Variants in WDR59 observed in about 807,000 individuals in gnomAD.
The protein encoded by WDR59 is GATOR2 complex protein WDR59.
WDR59 carries 100 observed loss-of-function variants against 131.2 expected under a neutral mutation model. The observed-to-expected ratio is 0.76, with a 90% CI of 0.65 to 0.90. The LOEUF (loss-of-function observed/expected upper bound fraction) is 0.90. Ranked by LOEUF, WDR59 falls within the 40% of genes least tolerant of loss-of-function variation. WDR59 has a pLI of 0.00. For missense variants in WDR59, 1,203 were observed against 1,262.2 expected (o/e 0.95, Z 0.71); for synonymous variants, 601 against 466.2 (o/e 1.29, Z -3.72).
At chr16:74,973,026 G>C (rs1016795660) in intron 1 of WDR59, among the ~76,000 whole-genome samples, 1 of 151,756 alleles carries the variant, frequency 6.6e-6, no homozygotes, top group Admixed American at 6.6e-5. Flanking sequence ...TGAGGTCTGA[G>C]GTCGGGAGTT....
Position 74,960,900 on chromosome 16 carries a change from T to C in WDR59, c.105-4290A>G, listed in dbSNP as rs541777952. 2.6e-5 allele frequency among the ~76,000 whole-genome samples: 4 copies of C among 152,178 alleles called. No homozygotes were observed. In the East Asian group the frequency reaches 7.7e-4, roughly 29 times the overall value. Reference sequence around the variant, plus strand: ...ACCTTCCAAGGTTCTAAAAAAAATTTCTGTATCTTAATCAGAATGGTGATT... The same window carrying C: ...ACCTTCCAAGGTTCTAAAAAAAATTCCTGTATCTTAATCAGAATGGTGATT... On this transcript the variant is annotated intron_variant, in intron 2 of 25. Transcript: ENST00000262144.
chr16:74,920,523 C>G (rs1299104176), intron 10 of WDR59, among the ~76,000 whole-genome samples: 1 of 152,182 alleles, frequency 6.6e-6, no homozygotes, highest in Admixed American at 6.5e-5. Flanking sequence ...GCCTCAGCCT[C>G]CGAAGTAGCT....
At chr16:74,908,229 C>A (rs1453230890) in intron 17 of WDR59, among the ~76,000 whole-genome samples, 2 of 152,024 alleles carry the variant, frequency 1.3e-5, no homozygotes, top group Non-Finnish European at 2.9e-5. Context: ...ACCAGCCTGG[C>A]AACACTGCAA....
intron 25 of WDR59, among the ~76,000 whole-genome samples, chr16:74,880,488 A>C (rs1222227660): frequency 6.6e-6 from 1 of 152,182 alleles, no homozygotes; most frequent in African/African-American, 2.4e-5. Flanking sequence ...TAAGTTAGGT[A>C]TGATAAGCCA....
At chr16:74,953,007 T>C (rs1262794762) in intron 3 of WDR59, among the ~76,000 whole-genome samples, 1 of 152,124 alleles carries the variant, frequency 6.6e-6, no homozygotes, top group Non-Finnish European at 1.5e-5. Context: ...CCAGTCCACC[T>C]TAACGAATCT....
At chr16:74,935,535 A>C (rs2031730709) in intron 8 of WDR59, among the ~76,000 whole-genome samples, 1 of 151,946 alleles carries the variant, frequency 6.6e-6, no homozygotes, top group Non-Finnish European at 1.5e-5. Context: ...GACCCCTTAG[A>C]ATTTAGAAAA....
chr16:74,969,384 G>A (rs1185073553), intron 1 of WDR59, among the ~76,000 whole-genome samples: 1 of 151,412 alleles, frequency 6.6e-6, no homozygotes, highest in African/African-American at 2.4e-5. Flanking sequence ...GTGATTCTCA[G>A]GCCTCAGCCT....
At chr16:74,943,465 G>A (rs1316252493) in intron 6 of WDR59, among the ~76,000 whole-genome samples, 1 of 152,066 alleles carries the variant, frequency 6.6e-6, no homozygotes. Flanking sequence ...TTCCCTCTCT[G>A]CCAATACAGA....
intron 6 of WDR59, 126 bp from the exon 7 acceptor site, chr16:74,942,952 G>A: frequency 1.3e-6 from 1 of 753,666 alleles, no homozygotes; most frequent in South Asian, 1.6e-5. Context: ...AAGTTTCTGT[G>A]ACTGCACCAA....
intron 1 of WDR59, among the ~76,000 whole-genome samples, chr16:74,976,508 T>A (rs1434774905): frequency 1.3e-5 from 2 of 149,926 alleles, no homozygotes; most frequent in African/African-American, 4.9e-5. Context: ...AAGGGCGCAA[T>A]CTTGGCTCCC....
At chr16:74,938,553 T>G (rs1360792921) in intron 7 of WDR59, among the ~76,000 whole-genome samples, 1 of 152,182 alleles carries the variant, frequency 6.6e-6, no homozygotes, top group Non-Finnish European at 1.5e-5. Context: ...TTTTTGTTTT[T>G]TGAGACGAAG....
Position 74,949,818 on chromosome 16 carries a change from C to T in WDR59, c.327-20G>A, listed in dbSNP as rs779576680. On this transcript the variant is annotated intron_variant, in intron 4 of 25. Coordinates refer to ENST00000262144, the MANE Select transcript of WDR59 (RefSeq NM_030581.4). Reference sequence around the variant, plus strand: ...AAGTCGCTGGGACACAAAGAATAAACAGAACAAAGAAAAGGAAAAAAATTC... The same window carrying T: ...AAGTCGCTGGGACACAAAGAATAAATAGAACAAAGAAAAGGAAAAAAATTC... 10 of 1,612,770 alleles carry T rather than the reference C, an allele frequency of 6.2e-6. No homozygotes were observed. The Middle Eastern group carries it at 6.6e-4, about 107-fold the overall frequency.
At chr16:74,920,123 G>C (rs2030043315) in intron 10 of WDR59, among the ~76,000 whole-genome samples, 1 of 151,404 alleles carries the variant, frequency 6.6e-6, no homozygotes, top group South Asian at 2.1e-4. Context: ...AAGTAAACTG[G>C]AACAACCTTC....
intron 2 of WDR59, chr16:74,963,097 A>T (rs1433329964): frequency 6.6e-6 from 1 of 152,148 alleles, no homozygotes; most frequent in African/African-American, 2.4e-5. Flanking sequence ...TTCTACTAAA[A>T]TACAAAAAAT....
Position 74,912,335 on chromosome 16 carries a change from C to G in WDR59, c.1252G>C (p.Val418Leu). The G allele has an allele frequency of 6.2e-7, 1 of 1,613,840 alleles. No homozygotes were observed. Among genetic ancestry groups the G allele is most frequent in the Non-Finnish European group, 8.5e-7 (1 of 1,179,914 alleles). ...EMDAADRSCT[V>L]SVHCSNHRVK... ...CGATGGTTGCTGCAGTGCACAGACACTGTGCAGCTCCTGTCTGCCGCATCC... is the reference window on the plus strand; with the variant it reads ...CGATGGTTGCTGCAGTGCACAGACAGTGTGCAGCTCCTGTCTGCCGCATCC... Residue 418 changes from valine (V) to leucine (L), a missense_variant, in exon 14 of 26, where the codon GTG (valine) becomes CTG (leucine). Val to Leu is a conservative substitution (Grantham distance 32). Coordinates refer to ENST00000262144, the MANE Select transcript of WDR59 (RefSeq NM_030581.4).
At chr16:74,909,966 T>C (rs752624898) in intron 14 of WDR59, 49 bp from the exon 15 acceptor site, 16 of 1,237,424 alleles carry the variant, frequency 1.3e-5, no homozygotes, top group Non-Finnish European at 1.7e-5. Flanking sequence ...ATTTCTCTGA[T>C]AGGTTTTTTT....
chr16:74,914,183 G>A (rs1966247871), intron 13 of WDR59, among the ~76,000 whole-genome samples: 1 of 152,072 alleles, frequency 6.6e-6, no homozygotes, highest in African/African-American at 2.4e-5. Context: ...CTGCACTCCA[G>A]TCTGAGCGGA....
At chr16:74,879,880 A>G (rs148484006) in intron 25 of WDR59, among the ~76,000 whole-genome samples, 1 of 152,168 alleles carries the variant, frequency 6.6e-6, no homozygotes, top group South Asian at 2.1e-4. Flanking sequence ...GACAAAATAT[A>G]CAGGTTCAGT....
At position 74,893,697 on chromosome 16, in the gene WDR59, G is replaced by A. The variant is rs778203835; in HGVS notation, c.1982C>T (p.Ser661Leu). ...TACTTACATGTACAGCTCTCCCAGCGATTTGTGAACAGGCAGGAGGCAAGC... is the reference window on the plus strand; with the variant it reads ...TACTTACATGTACAGCTCTCCCAGCAATTTGTGAACAGGCAGGAGGCAAGC... The part of the protein sequence containing the change: ...DIACLLPVHK[S>L]LGELYILNVN... The change falls in exon 19 of 26, where the codon TCG becomes TTG. Residue 661 changes from serine (S) to leucine (L), a missense_variant. Transcript: ENST00000262144. 1.6e-5 allele frequency: 26 copies of A among 1,614,090 alleles called. No homozygotes were observed. The East Asian group carries it at 1.8e-4, about 11-fold the overall frequency.
Sources: allele counts gnomAD v4.1 joint callset (sites outside exome capture counted in the v4.1 genomes callset), GRCh38; gene constraint gnomAD v4.1.1; transcripts MANE v1.5; gene names NCBI Gene and HGNC (gene_info 2026-07-23, HGNC 2026-07-21).